The following ACSS3 variants were observed in gnomAD, a reference collection of about 807,000 sequenced individuals.
ACSS3 encodes the protein acyl-CoA synthetase short-chain family member 3, mitochondrial.
ACSS3 carries 64 observed loss-of-function variants against 84.2 expected under a neutral mutation model. The ratio of observed to expected loss-of-function variants is 0.76; its 90% CI spans 0.62 to 0.94. The LOEUF is 0.94. Ranked by LOEUF, ACSS3 falls within the 40% of genes least tolerant of loss-of-function variation. The probability of loss-of-function intolerance (pLI) is 0.00; values close to 1 mark genes in which losing one functional copy is unlikely to be tolerated. For synonymous variants in ACSS3, 317 were observed against 310.1 expected (o/e 1.02, Z -0.23); for missense variants, 815 against 867.6 (o/e 0.94, Z 0.76).
chr12:81,127,274 A>G (rs1885164350), intron 2 of ACSS3, among the ~76,000 whole-genome samples: 1 of 151,970 alleles, frequency 6.6e-6, no homozygotes, highest in South Asian at 2.1e-4. Context: ...GAAAATATTT[A>G]TATTCCTGAA....
In ACSS3 at chr12:81,255,097, T is replaced by G; in HGVS notation, c.*175T>G. On this transcript the variant is annotated 3_prime_UTR_variant, in exon 16 of 16. Transcript: ENST00000548058. ...AAACATGTGAAAGACCTGTGCCTTT[T>G]TTTTGGTTTGACCCTGTTAGCATTG... 2 of 585,030 alleles carry G rather than the reference T, an allele frequency of 3.4e-6. No individual in the cohort carries two copies. Among genetic ancestry groups the G allele is most frequent in the Non-Finnish European group, 2.8e-6 (1 of 357,716 alleles). The allele number at this position is 585,030 out of a possible 1,614,324, so 36.2% of individuals were successfully genotyped here. A position where few individuals can be genotyped will look rare whatever the true frequency, so the allele number is the denominator to read the frequency against.
chr12:81,224,353 G>T (rs1324343629), intron 11 of ACSS3, among the ~76,000 whole-genome samples: 1 of 151,736 alleles, frequency 6.6e-6, no homozygotes, highest in Non-Finnish European at 1.5e-5. Context: ...CCAGAAGGAA[G>T]ACCTTCACTT....
intron 13 of ACSS3, among the ~76,000 whole-genome samples, chr12:81,247,158 ACTT>A (rs1267161597): frequency 1.3e-5 from 2 of 152,146 alleles, no homozygotes; most frequent in Non-Finnish European, 2.9e-5. Context: ...TGAAATTTTT[ACTT>A]CATGTCTTTT....
intron 8 of ACSS3, among the ~76,000 whole-genome samples, chr12:81,182,618 G>A (rs1287518578): frequency 1.3e-5 from 2 of 152,114 alleles, no homozygotes; most frequent in Non-Finnish European, 2.9e-5. Flanking sequence ...ATCAGGAGGA[G>A]CATAAAAATC....
chr12:81,190,313 TA>T (rs2031499218), intron 8 of ACSS3, among the ~76,000 whole-genome samples: 1 of 152,098 alleles, frequency 6.6e-6, no homozygotes. Context: ...TTTCACTCAT[TA>T]ATGATTTTTG....
At chr12:81,083,585 C>G (rs1418051097) in intron 1 of ACSS3, among the ~76,000 whole-genome samples, 1 of 151,654 alleles carries the variant, frequency 6.6e-6, no homozygotes, top group Non-Finnish European at 1.5e-5. Context: ...TAGTCTCGAA[C>G]TCCTGACCTC....
chr12:81,245,960 C>T (rs542054304), intron 13 of ACSS3, among the ~76,000 whole-genome samples: 3 of 152,248 alleles, frequency 2.0e-5, no homozygotes, highest in African/African-American at 7.2e-5. Context: ...TGTCTCCCCA[C>T]AGTTACCAGG....
chr12:81,223,110 A>C (rs2033162993), intron 11 of ACSS3, among the ~76,000 whole-genome samples: 1 of 152,040 alleles, frequency 6.6e-6, no homozygotes, highest in Admixed American at 6.6e-5. Context: ...TTTTAACTGC[A>C]ATTGCCTTTC....
intron 8 of ACSS3, among the ~76,000 whole-genome samples, chr12:81,188,089 A>C (rs1445855547): frequency 6.6e-6 from 1 of 151,902 alleles, no homozygotes; most frequent in African/African-American, 2.4e-5. Flanking sequence ...TATTTTTTTG[A>C]ATTTAGAGAT....
intron 8 of ACSS3, among the ~76,000 whole-genome samples, chr12:81,191,905 C>T (rs1338727949): frequency 1.3e-5 from 2 of 151,884 alleles, no homozygotes; most frequent in Non-Finnish European, 2.9e-5. Context: ...TCATTTGATT[C>T]TTTATTATAA....
chr12:81,109,730 A>ATAAAGTATATATACATATACTATATAC, intron 2 of ACSS3, 26 bp downstream of exon 2: 1 of 1,503,710 alleles, frequency 6.7e-7, no homozygotes, highest in Non-Finnish European at 8.9e-7. Flanking sequence ...TTATATATGT[A>ATAAAGTATATATACATATACTATATAC]TATATGAATT....
intron 1 of ACSS3, among the ~76,000 whole-genome samples, chr12:81,079,239 G>A (rs780015178): frequency 1.8e-4 from 28 of 152,214 alleles, no homozygotes; most frequent in African/African-American, 6.0e-4. Context: ...TACAACAAAC[G>A]CAGACACATT....
At chr12:81,162,648 T>C (rs904680854) in intron 7 of ACSS3, among the ~76,000 whole-genome samples, 1 of 152,122 alleles carries the variant, frequency 6.6e-6, no homozygotes. Flanking sequence ...GACCCACCCC[T>C]TTCCACCCAG....
At chr12:81,186,339 A>G (rs2135857660) in intron 8 of ACSS3, among the ~76,000 whole-genome samples, 1 of 151,972 alleles carries the variant, frequency 6.6e-6, no homozygotes, top group South Asian at 2.1e-4. Context: ...CTCAGGCCAC[A>G]AAAGCAAAAA....
At chr12:81,179,271 C>CAAA (rs71098127) in intron 8 of ACSS3, among the ~76,000 whole-genome samples, 10 of 66,776 alleles carry the variant, frequency 1.5e-4, no homozygotes, top group East Asian at 1.5e-3. Flanking sequence ...AAGTAATTGC[C>CAAA]AAAAAAAAAA....
intron 11 of ACSS3, among the ~76,000 whole-genome samples, chr12:81,225,330 A>G (rs531443492): frequency 6.6e-6 from 1 of 151,936 alleles, no homozygotes; most frequent in African/African-American, 2.4e-5. Flanking sequence ...ATTTTTTAAG[A>G]TACCACATCT....
intron 5 of ACSS3, 199 bp downstream of exon 5, chr12:81,143,446 A>G (rs1045259096): frequency 5.0e-6 from 2 of 401,726 alleles, no homozygotes; most frequent in East Asian, 7.5e-5. Context: ...CCATATCTTA[A>G]AGAGATTTTG....
chr12:81,152,751 G>A (rs1233174810), intron 7 of ACSS3, among the ~76,000 whole-genome samples: 2 of 152,090 alleles, frequency 1.3e-5, no homozygotes, highest in Non-Finnish European at 2.9e-5. Context: ...AACTAATATG[G>A]TAGTTTGCTA....
intron 7 of ACSS3, among the ~76,000 whole-genome samples, chr12:81,158,726 G>C (rs950613695): frequency 6.6e-6 from 1 of 152,058 alleles, no homozygotes; most frequent in South Asian, 2.1e-4. Context: ...CTACTTGTCT[G>C]TTAGATTTCA....
Sources: gnomAD v4.1 joint callset for allele counts (sites outside exome capture counted in the v4.1 genomes callset) on GRCh38, gnomAD v4.1.1 for gene constraint, MANE v1.5 for transcripts, NCBI Gene and HGNC (gene_info 2026-07-23, HGNC 2026-07-21) for gene names.